The following METTL24 variants were observed in gnomAD, a reference collection of about 807,000 sequenced individuals.
METTL24 encodes probable methyltransferase-like protein 24.
In METTL24, 29 loss-of-function variants were observed where a neutral mutation model predicts 32.7. The observed-to-expected ratio is 0.89, with a 90% CI of 0.66 to 1.21. METTL24 has a LOEUF of 1.21. METTL24 is among the 50% of genes most tolerant of loss of function. METTL24 has a pLI of 0.00. For synonymous variants in METTL24, 163 were observed against 179.5 expected, an observed-to-expected ratio of 0.91 and a Z score of 0.73; for missense variants, 439 against 468.1, an observed-to-expected ratio of 0.94 and a Z score of 0.57.
At chr6:110,291,933 T>C (rs942479731) in intron 4 of METTL24, among the ~76,000 whole-genome samples, 6 of 152,254 alleles carry the variant, frequency 3.9e-5, no homozygotes, top group African/African-American at 9.6e-5. Flanking sequence ...TTACATTGTC[T>C]TGAAATCAAG....
rs150648635 is a variant in METTL24 at position 110,296,656 on chromosome 6, C to T, written c.786+2266G>A. On this transcript the variant is annotated intron_variant, in intron 4 of 4. Transcript: ENST00000338882. Reference sequence around the variant, plus strand: ...ATATACAGAATAGGAAAACTAACAGCGGAATAGGGAAATTACTACAAAACT... The same window carrying T: ...ATATACAGAATAGGAAAACTAACAGTGGAATAGGGAAATTACTACAAAACT... Among the ~76,000 whole-genome samples the T allele has an allele frequency of 2.4e-3, 367 of 152,202 alleles. 3 individuals are homozygous for T. The highest frequency in any genetic ancestry group is 7.6e-3 in the African/African-American group (316 of 41,516).
intron 2 of METTL24, among the ~76,000 whole-genome samples, chr6:110,319,945 T>C (rs1233077297): frequency 2.6e-5 from 4 of 152,128 alleles, no homozygotes; most frequent in African/African-American, 9.7e-5. Flanking sequence ...TCCCCATCCA[T>C]CTGTCTCCCC....
At chr6:110,285,271 C>A (rs1406869648) in intron 4 of METTL24, among the ~76,000 whole-genome samples, 2 of 152,180 alleles carry the variant, frequency 1.3e-5, no homozygotes, top group Non-Finnish European at 2.9e-5. Context: ...ATTTCAACTG[C>A]AAAACTGTTG....
Position 110,322,843 on chromosome 6 carries a change from A to G in METTL24, c.348T>C (p.Pro116=), listed in dbSNP as rs766049632. 2.5e-6 allele frequency: 4 copies of G among 1,613,886 alleles called. No homozygotes were observed. The highest frequency in any genetic ancestry group is 4.5e-5 in the East Asian group (2 of 44,870). ...KGPRWHIDLQ[P]WAGSAQSLDE... ...CCAGGGACTGAGCAGAGCCTGCCCA[A>G]GGCTGGAGATCTATATGCCACCGGG... The change falls in exon 2 of 5, where the codon CCT becomes CCC. Residue 116 remains proline (P), a synonymous_variant. Transcript: ENST00000338882.
chr6:110,279,534 T>C (rs1771103348), intron 4 of METTL24, among the ~76,000 whole-genome samples: 2 of 152,208 alleles, frequency 1.3e-5, no homozygotes, highest in African/African-American at 4.8e-5. Context: ...AGATAATCTA[T>C]ATATCCAACA....
chr6:110,327,409 T>C (rs902010143), intron 1 of METTL24, among the ~76,000 whole-genome samples: 2 of 152,208 alleles, frequency 1.3e-5, no homozygotes, highest in Non-Finnish European at 2.9e-5. Context: ...CCTAATATTT[T>C]TCATTTCCAA....
chr6:110,325,974 T>C (rs561680159), intron 1 of METTL24, among the ~76,000 whole-genome samples: 1 of 152,210 alleles, frequency 6.6e-6, no homozygotes, highest in African/African-American at 2.4e-5. Flanking sequence ...AAAAAGACAC[T>C]GGATGGGCCT....
chr6:110,310,817 A>C (rs17071427), intron 3 of METTL24, among the ~76,000 whole-genome samples: 4,774 of 152,286 alleles, frequency 0.031, 254 homozygotes, highest in African/African-American at 0.11. Flanking sequence ...GAGATGAGAC[A>C]GATTAGAAAG....
At chr6:110,317,130 A>C (rs1771834962) in intron 2 of METTL24, among the ~76,000 whole-genome samples, 2 of 152,184 alleles carry the variant, frequency 1.3e-5, no homozygotes, top group Non-Finnish European at 2.9e-5. Context: ...CTCAGAGGAA[A>C]GCTGAAAAAG....
intron 4 of METTL24, among the ~76,000 whole-genome samples, chr6:110,254,486 T>C (rs1778345398): frequency 6.6e-6 from 1 of 151,988 alleles, no homozygotes; most frequent in South Asian, 2.1e-4. Flanking sequence ...ACAAAAATTA[T>C]CTGGGCATGG....
At chr6:110,345,588 G>A (rs1447714800) in intron 1 of METTL24, among the ~76,000 whole-genome samples, 2 of 152,126 alleles carry the variant, frequency 1.3e-5, no homozygotes, top group Non-Finnish European at 2.9e-5. Flanking sequence ...ATGGACTGTT[G>A]GGCAGCCATA....
At chr6:110,346,729 T>C (rs889226747) in intron 1 of METTL24, among the ~76,000 whole-genome samples, 1 of 152,188 alleles carries the variant, frequency 6.6e-6, no homozygotes, top group African/African-American at 2.4e-5. Flanking sequence ...GGTCTCGAAC[T>C]CCTGATCTCA....
At position 110,302,624 on chromosome 6, in the gene METTL24, T is replaced by C. The variant is rs191760793; in HGVS notation, c.558-3474A>G. 5.9e-4 allele frequency among the ~76,000 whole-genome samples: 67 copies of C among 113,832 alleles called. 3 individuals carry two copies. The highest frequency in any genetic ancestry group is 9.5e-4 in the Non-Finnish European group (53 of 55,660). 74.7% of individuals were successfully genotyped at this position (113,832 alleles called of 152,430 possible). A position where few individuals can be genotyped will look rare whatever the true frequency, so the allele number is the denominator to read the frequency against. On this transcript the variant is annotated intron_variant, in intron 3 of 4. Transcript: ENST00000338882. ...ATACACACACATATGTGTATATATA[T>C]ACACATATACACACACATATGTGTA...
chr6:110,341,048 T>A (rs1208054138), intron 1 of METTL24, among the ~76,000 whole-genome samples: 1 of 152,152 alleles, frequency 6.6e-6, no homozygotes, highest in Non-Finnish European at 1.5e-5. Flanking sequence ...GGGCACTTTA[T>A]GTCTGTTTTT....
chr6:110,275,630 G>T, intron 4 of METTL24, among the ~76,000 whole-genome samples: 1 of 152,094 alleles, frequency 6.6e-6, no homozygotes, highest in East Asian at 1.9e-4. Context: ...GTCTTTTTGG[G>T]CAAGGACCTT....
rs542493292 is a variant in METTL24 at position 110,350,992 on chromosome 6, C to T, written c.318+6963G>A. On this transcript the variant is annotated intron_variant, in intron 1 of 4. Transcript: ENST00000338882. ...GCGTGGTGGCAGGCGCCTGTAATCC[C>T]AGCTACTTGGGAGGCTGAGGCAGGA... is the stretch of plus-strand genomic sequence containing the variant. Among the ~76,000 whole-genome samples the T allele has an allele frequency of 2.4e-3, 372 of 152,100 alleles. 4 individuals are homozygous for T. The highest frequency in any genetic ancestry group is 5.2e-3 in the South Asian group (25 of 4,794).
At chr6:110,298,458 C>T (rs1771460695) in intron 4 of METTL24, among the ~76,000 whole-genome samples, 1 of 152,126 alleles carries the variant, frequency 6.6e-6, no homozygotes, top group Admixed American at 6.5e-5. Context: ...TATATATTTT[C>T]TGTGTAGAGC....
At chr6:110,248,643 C>A (rs2114689058) in intron 4 of METTL24, among the ~76,000 whole-genome samples, 1 of 150,452 alleles carries the variant, frequency 6.6e-6, no homozygotes, top group Non-Finnish European at 1.5e-5. Context: ...GTGAATCAGA[C>A]ACAGTGAAAT....
Position 110,246,579 on chromosome 6 carries a change from AAT to A in METTL24, c.787-321_787-320del, listed in dbSNP as rs1778167166. ...ACTACAGGCGTGAGCCTGTTATGTTAATATATGTTAATATACAAATGATGAAA... is the reference window on the plus strand; with the variant it reads ...ACTACAGGCGTGAGCCTGTTATGTTAATATGTTAATATACAAATGATGAAA... On this transcript the variant is annotated intron_variant, in intron 4 of 4. Coordinates refer to ENST00000338882, the MANE Select transcript of METTL24 (RefSeq NM_001123364.3). Among the ~76,000 whole-genome samples the A allele has an allele frequency of 7.9e-5, 12 of 152,334 alleles. No homozygotes were observed. The South Asian group carries it at 2.5e-3, about 32-fold the overall frequency.
Sources: allele counts gnomAD v4.1 joint callset (sites outside exome capture counted in the v4.1 genomes callset), GRCh38; gene constraint gnomAD v4.1.1; transcripts MANE v1.5; gene names NCBI Gene and HGNC (gene_info 2026-07-23, HGNC 2026-07-21).